The following SFTPC variants were observed in gnomAD, a reference collection of about 807,000 sequenced individuals.
SFTPC encodes the protein BRICHOS domain containing 6.
Under a neutral mutation model 19.9 loss-of-function variants are expected in SFTPC, and 12 were observed. The ratio of observed to expected loss-of-function variants is 0.60; its 90% CI spans 0.39 to 0.98. SFTPC has a LOEUF of 0.98. Among genes scored for constraint, SFTPC ranks in the 50% least tolerant of loss-of-function variants. The pLI is 0.00. For synonymous variants in SFTPC, 123 were observed against 103.3 expected (o/e 1.19, Z -1.16); for missense variants, 219 against 252.2 (o/e 0.87, Z 0.89).
intron 2 of SFTPC, 69 bp from the exon 3 acceptor site, chr8:22,163,011 G>A: frequency 6.2e-7 from 1 of 1,604,272 alleles, no homozygotes; most frequent in Non-Finnish European, 8.5e-7. Flanking sequence ...AGAGGCCTGA[G>A]TATGGGGATG....
At position 22,162,684 on chromosome 8, in the gene SFTPC, G is replaced by A. The variant is rs781417860; in HGVS notation, c.153G>A (p.Val51=). The change falls in exon 2 of 6, where the codon GTG becomes GTA. Residue 51 remains valine, a synonymous_variant. Coordinates refer to ENST00000679463, the MANE Select transcript of SFTPC (RefSeq NM_001317778.2). ...VVVVLIVVVI[V]GALLMGLHMS... is the part of the protein sequence containing the mutation. ...TGGTCCTCATCGTCGTGGTGATTGT[G>A]GGAGCCCTGCTCATGGGTCTCCACA... 5.0e-6 allele frequency: 8 copies of A among 1,614,086 alleles called. No homozygotes were observed. The highest frequency in any genetic ancestry group is 1.6e-4 in the Middle Eastern group (1 of 6,084).
chr8:22,159,902 G>C (rs1256665257), upstream of SFTPC: 1 of 1,073,432 alleles, frequency 9.3e-7, no homozygotes, highest in Non-Finnish European at 1.3e-6. Flanking sequence ...ATGGGGGCGG[G>C]AGTAAGGGCC....
chr8:22,160,310 G>C (rs1827666034), upstream of SFTPC, among the ~76,000 whole-genome samples: 1 of 152,166 alleles, frequency 6.6e-6, no homozygotes, highest in African/African-American at 2.4e-5. Flanking sequence ...ACAGGAACTG[G>C]GGTGGCATGT....
chr8:22,162,555 G>T lies in SFTPC; in HGVS notation c.43-19G>T. ...CTCATGACCTCATGCCTGTCTCCTTGCCTGCCCCACCGTGTCAGGACTACT... is the reference window on the plus strand; with the variant it reads ...CTCATGACCTCATGCCTGTCTCCTTTCCTGCCCCACCGTGTCAGGACTACT... On this transcript the variant is annotated intron_variant, in intron 1 of 5. Transcript: ENST00000679463. 1 of 1,612,962 alleles carries T rather than the reference G, an allele frequency of 6.2e-7. No individual in the cohort carries two copies. The highest frequency in any genetic ancestry group is 8.5e-7 in the Non-Finnish European group (1 of 1,179,776).
chr8:22,162,171 C>A (rs143558389), intron 1 of SFTPC, among the ~76,000 whole-genome samples: 2 of 152,096 alleles, frequency 1.3e-5, no homozygotes, highest in South Asian at 4.2e-4. Flanking sequence ...AAACCACATA[C>A]GAGCTGGAGC....
At position 22,161,906 on chromosome 8, in the gene SFTPC, C is replaced by T. The variant is rs147884807; in HGVS notation, c.42+36C>T. ...TTGCGTGTGTGTATGTATGTGTGCG[C>T]GCGCACATGTGTGTGATGGGCCCTG... On this transcript the variant is annotated intron_variant, in intron 1 of 5. Transcript: ENST00000679463. The T allele has an allele frequency of 5.7e-5, 92 of 1,600,700 alleles. 1 individual carries two copies. The Middle Eastern group carries it at 8.3e-4, about 14-fold the overall frequency.
chr8:22,163,386 G>T, intron 3 of SFTPC, 50 bp from the exon 4 acceptor site: 1 of 1,555,478 alleles, frequency 6.4e-7, no homozygotes, highest in Non-Finnish European at 8.9e-7. Flanking sequence ...CTGGGTCAGG[G>T]AGAGAGCAGG....
chr8:22,157,616 C>T (rs886064710), upstream of SFTPC: 1 of 152,290 alleles, frequency 6.6e-6, no homozygotes, highest in Non-Finnish European at 1.5e-5. Context: ...ATGCACGGCT[C>T]TTCCAAGTGT....
upstream of SFTPC, chr8:22,161,640 G>A: frequency 3.8e-6 from 6 of 1,566,052 alleles, no homozygotes; most frequent in Non-Finnish European, 5.2e-6. Flanking sequence ...GGCCCTTGGG[G>A]GCTCTCACAG....
chr8:22,163,166 C>A lies in SFTPC; in HGVS notation c.288C>A (p.Ile96=). ...TGGTTACCACTGCCACCTTCTCCATCGGCTCCACTGGCCTCGTGGTGTATG... is the reference window on the plus strand; with the variant it reads ...TGGTTACCACTGCCACCTTCTCCATAGGCTCCACTGGCCTCGTGGTGTATG... ...EHLVTTATFS[I]GSTGLVVYDY... The change falls in exon 3 of 6, where the codon ATC becomes ATA. Residue 96 remains isoleucine (I), a synonymous_variant. Coordinates refer to ENST00000679463, the MANE Select transcript of SFTPC (RefSeq NM_001317778.2). The A allele has an allele frequency of 6.2e-7, 1 of 1,614,206 alleles. No individual in the cohort carries two copies. Among genetic ancestry groups the A allele is most frequent in the Non-Finnish European group, 8.5e-7 (1 of 1,180,030 alleles).
In SFTPC at chr8:22,164,471, A is replaced by G. The variant is rs1024674058; in HGVS notation, c.*224A>G. 7 of 1,452,694 alleles carry G rather than the reference A, an allele frequency of 4.8e-6. No individual in the cohort carries two copies. In the African/African-American group the frequency reaches 1.0e-4, roughly 21 times the overall value. The allele number at this position is 1,452,694 out of a possible 1,614,324, so 90.0% of individuals were successfully genotyped here. A position where few individuals can be genotyped will look rare whatever the true frequency, so the allele number is the denominator to read the frequency against. On this transcript the variant is annotated 3_prime_UTR_variant, in exon 6 of 6. Transcript: ENST00000679463. ...ACAACAGAATAAAGCAGCCTGATTG[A>G]AAAGCAAAGGGTCTGCTTCTGTCTT...
upstream of SFTPC, among the ~76,000 whole-genome samples, chr8:22,160,107 G>A (rs532965628): frequency 3.5e-4 from 53 of 152,248 alleles, no homozygotes; most frequent in Non-Finnish European, 5.6e-4. Context: ...CAGCAAGGGG[G>A]TGAGGAGGGT....
intron 3 of SFTPC, 80 bp from the exon 4 acceptor site, chr8:22,163,356 A>G: frequency 1.3e-6 from 2 of 1,500,012 alleles, no homozygotes. Flanking sequence ...TGCCCAACCT[A>G]GAGGGAGGTG....
At chr8:22,164,239 C>T (rs1362650119) in intron 5 of SFTPC, 27 bp from the exon 6 acceptor site, 2 of 1,536,126 alleles carry the variant, frequency 1.3e-6, no homozygotes, top group South Asian at 2.4e-5. Context: ...TCTCTCTGTC[C>T]ATCCTCAACA....
chr8:22,159,736 A>G (rs1261383491), upstream of SFTPC: 2 of 1,278,144 alleles, frequency 1.6e-6, no homozygotes. Flanking sequence ...AGTGCCTGCT[A>G]AGAACAAGTC....
chr8:22,163,248 C>A (rs746401661), intron 3 of SFTPC, 46 bp downstream of exon 3: 6 of 1,613,704 alleles, frequency 3.7e-6, no homozygotes, highest in Non-Finnish European at 5.1e-6. Flanking sequence ...TGACAAGGCT[C>A]TGCTAGAGCC....
In SFTPC at chr8:22,163,166, C is replaced by T. The variant is rs79866047; in HGVS notation, c.288C>T (p.Ile96=). 3.2e-3 allele frequency: 5,121 copies of T among 1,614,204 alleles called. 16 individuals carry two copies. Among genetic ancestry groups the T allele is most frequent in the Non-Finnish European group, 3.3e-3 (3,847 of 1,180,028 alleles). ...EHLVTTATFS[I]GSTGLVVYDY... Reference sequence around the variant, plus strand: ...TGGTTACCACTGCCACCTTCTCCATCGGCTCCACTGGCCTCGTGGTGTATG... The same window carrying T: ...TGGTTACCACTGCCACCTTCTCCATTGGCTCCACTGGCCTCGTGGTGTATG... The change falls in exon 3 of 6, where the codon ATC becomes ATT. Residue 96 remains isoleucine, a synonymous_variant. Transcript: ENST00000679463.
intron 4 of SFTPC, 68 bp from the exon 5 acceptor site, chr8:22,163,833 C>A: frequency 7.1e-7 from 1 of 1,402,394 alleles, no homozygotes; most frequent in Non-Finnish European, 1.0e-6. Context: ...TACCTGAAGT[C>A]CCACAATAAG....
chr8:22,158,005 A>C (rs137859836), upstream of SFTPC, among the ~76,000 whole-genome samples: 4 of 152,332 alleles, frequency 2.6e-5, no homozygotes, highest in African/African-American at 9.6e-5. Flanking sequence ...GGGTCCTGAA[A>C]ACAAAAAGCT....
Sources: gnomAD v4.1 joint callset for allele counts (sites outside exome capture counted in the v4.1 genomes callset) on GRCh38, gnomAD v4.1.1 for gene constraint, MANE v1.5 for transcripts, NCBI Gene and HGNC (gene_info 2026-07-23, HGNC 2026-07-21) for gene names.